Variants in DPYSL5 observed in about 807,000 individuals in gnomAD.
DPYSL5 encodes dihydropyrimidinase-related protein 5.
Under a neutral mutation model 58.4 loss-of-function variants are expected in DPYSL5, and 9 were observed. That is an observed-to-expected ratio of 0.15 (90% CI 0.09 to 0.27). The LOEUF (loss-of-function observed/expected upper bound fraction) is 0.27. DPYSL5 is among the 10% of genes least tolerant of loss of function. The probability of loss-of-function intolerance (pLI) is 1.00; values close to 1 mark genes in which losing one functional copy is unlikely to be tolerated. For synonymous variants in DPYSL5, 293 were observed against 301.9 expected, an observed-to-expected ratio of 0.97 and a Z score of 0.31; for missense variants, 499 against 770.6, an observed-to-expected ratio of 0.65 and a Z score of 4.17.
At chr2:26,882,111 A>AAAAAAAAAAAGAAAG (rs1308139468) in intron 1 of DPYSL5, among the ~76,000 whole-genome samples, 2 of 149,092 alleles carry the variant, frequency 1.3e-5, no homozygotes, top group Non-Finnish European at 3.0e-5. Context: ...AAAAAAAAAA[A>AAAAAAAAAAAGAAAG]AGAAAGAAAG....
At chr2:26,851,867 A>T (rs1053926622) in intron 1 of DPYSL5, among the ~76,000 whole-genome samples, 14 of 152,146 alleles carry the variant, frequency 9.2e-5, no homozygotes, top group African/African-American at 3.4e-4. Context: ...GAATCACTTG[A>T]ACCTGGGAGG....
chr2:26,941,712 G>A (rs894028138), intron 9 of DPYSL5, among the ~76,000 whole-genome samples: 1 of 152,250 alleles, frequency 6.6e-6, no homozygotes, highest in Admixed American at 6.5e-5. Flanking sequence ...CAGGAAGCCT[G>A]AATGGAACCA....
intron 8 of DPYSL5, among the ~76,000 whole-genome samples, chr2:26,936,500 G>A (rs374866073): frequency 2.6e-5 from 4 of 152,304 alleles, no homozygotes; most frequent in African/African-American, 7.2e-5. Context: ...AGGGCAGTAC[G>A]CACCACGGCA....
Position 26,925,121 on chromosome 2 carries a change from C to T in DPYSL5, c.420+76C>T. Reference sequence around the variant, plus strand: ...AGAGGGGCTGGTTGGGGTGCAGTGCCTCCTGCTTGTGTGGGGCACCCCTCC... The same window carrying T: ...AGAGGGGCTGGTTGGGGTGCAGTGCTTCCTGCTTGTGTGGGGCACCCCTCC... On this transcript the variant is annotated intron_variant, in intron 3 of 12. Transcript: ENST00000288699. The surrounding 1 kb of genome is among the most constrained non-coding windows in gnomAD (Gnocchi z 4.5). 6.5e-7 allele frequency: 1 copy of T among 1,546,974 alleles called. No homozygotes were observed. Among genetic ancestry groups the T allele is most frequent in the Admixed American group, 1.8e-5 (1 of 54,502 alleles).
Position 26,928,320 on chromosome 2 carries a change from G to A in DPYSL5, c.666G>A (p.Glu222=). 1 of 1,613,896 alleles carries A rather than the reference G, an allele frequency of 6.2e-7. No individual in the cohort carries two copies. The highest frequency in any genetic ancestry group is 8.5e-7 in the Non-Finnish European group (1 of 1,179,914). ...AAGGAATCGAGATCAGCCGTCCAGA[G>A]GAGGTGAGAAACACTTCCTGTAGCC... ...GPEGIEISRP[E]ELEAEATHRV... The change falls in exon 5 of 13, where the codon GAG becomes GAA. Residue 222 remains glutamate, a synonymous_variant. Coordinates refer to ENST00000288699, the MANE Select transcript of DPYSL5 (RefSeq NM_020134.4).
intron 1 of DPYSL5, among the ~76,000 whole-genome samples, chr2:26,880,867 C>T (rs1663543292): frequency 6.6e-6 from 1 of 152,266 alleles, no homozygotes; most frequent in African/African-American, 2.4e-5. Context: ...AATGAGTCCC[C>T]TCTATGTGCC....
chr2:26,934,462 C>A lies in DPYSL5; in HGVS notation c.791-116C>A. ...CTCTTAAAAGCCCTGTGAGCTTGGG[C>A]AGGTCCCTTCCTGTCTCTGACCTCA... On this transcript the variant is annotated intron_variant, in intron 7 of 12. Coordinates refer to ENST00000288699, the MANE Select transcript of DPYSL5 (RefSeq NM_020134.4). The surrounding 1 kb of genome is among the most constrained non-coding windows in gnomAD (Gnocchi z 4.3). 1 of 1,260,912 alleles carries A rather than the reference C, an allele frequency of 7.9e-7. No homozygotes were observed. Among genetic ancestry groups the A allele is most frequent in the South Asian group, 1.4e-5 (1 of 69,416 alleles). 78.1% of individuals were successfully genotyped at this position (1,260,912 alleles called of 1,614,324 possible). A position where few individuals can be genotyped will look rare whatever the true frequency, so the allele number is the denominator to read the frequency against.
chr2:26,850,784 C>G (rs918496554), intron 1 of DPYSL5, among the ~76,000 whole-genome samples: 1 of 152,134 alleles, frequency 6.6e-6, no homozygotes, highest in Non-Finnish European at 1.5e-5. Flanking sequence ...GGCCTCTTGT[C>G]TGAGTGTCCT....
At chr2:26,922,610 G>A (rs1664731381) in intron 2 of DPYSL5, among the ~76,000 whole-genome samples, 1 of 152,198 alleles carries the variant, frequency 6.6e-6, no homozygotes, top group South Asian at 2.1e-4. Context: ...GCCTGCAGAG[G>A]TACTGTGGGA....
intron 1 of DPYSL5, among the ~76,000 whole-genome samples, chr2:26,892,789 G>GAGAC (rs1479145767): frequency 1.3e-5 from 2 of 151,414 alleles, no homozygotes; most frequent in Non-Finnish European, 2.9e-5. Context: ...GAGAGAGAGA[G>GAGAC]AGAGAATGCA....
chr2:26,866,238 A>G (rs1245945377), intron 1 of DPYSL5, among the ~76,000 whole-genome samples: 1 of 152,232 alleles, frequency 6.6e-6, no homozygotes, highest in Non-Finnish European at 1.5e-5. Flanking sequence ...TGCTGTGAGG[A>G]TAAGAAATGA....
At chr2:26,863,935 G>C (rs1666079969) in intron 1 of DPYSL5, among the ~76,000 whole-genome samples, 1 of 152,126 alleles carries the variant, frequency 6.6e-6, no homozygotes, top group South Asian at 2.1e-4. Context: ...ATAGATACAA[G>C]GAATTTCAGA....
chr2:26,872,685 C>CA lies in DPYSL5; in HGVS notation c.-5+24444dup, dbSNP rs57455387. Among the ~76,000 whole-genome samples the CA allele has an allele frequency of 1.9e-3, 275 of 142,784 alleles. 2 individuals carry two copies. Among genetic ancestry groups the CA allele is most frequent in the Admixed American group, 0.011 (162 of 14,468 alleles). 93.7% of individuals were successfully genotyped at this position (142,784 alleles called of 152,430 possible). Reference sequence around the variant, plus strand: ...AGCCTGGCAGAGCGTGACTCTGTCTCAAAAAAAAAAAAATTAATAATATTT... The same window carrying CA: ...AGCCTGGCAGAGCGTGACTCTGTCTCAAAAAAAAAAAAAATTAATAATATTT... On this transcript the variant is annotated intron_variant, in intron 1 of 12. Transcript: ENST00000288699.
chr2:26,881,327 G>A (rs544824121), intron 1 of DPYSL5, among the ~76,000 whole-genome samples: 16 of 152,268 alleles, frequency 1.1e-4, no homozygotes, highest in African/African-American at 2.6e-4. Flanking sequence ...ACCCCCAGAC[G>A]TTTCTGTAAG....
intron 1 of DPYSL5, among the ~76,000 whole-genome samples, chr2:26,870,876 A>G (rs181389719): frequency 1.3e-4 from 20 of 152,354 alleles, no homozygotes; most frequent in African/African-American, 4.3e-4. Context: ...TGTAGTAGTT[A>G]ATAGTTAATA....
intron 9 of DPYSL5, 21 bp downstream of exon 9, chr2:26,940,193 C>T: frequency 6.2e-7 from 1 of 1,612,394 alleles, no homozygotes; most frequent in Non-Finnish European, 8.5e-7. Context: ...TAGAGCCCCG[C>T]CCCGATCTGA....
Position 26,934,563 on chromosome 2 carries a change from C to A in DPYSL5, c.791-15C>A. 1 of 1,610,800 alleles carries A rather than the reference C, an allele frequency of 6.2e-7. No homozygotes were observed. Among genetic ancestry groups the A allele is most frequent in the Non-Finnish European group, 8.5e-7 (1 of 1,179,180 alleles). ...GGTGGCTTCCTGGTTATGGTTCTGA[C>A]CTTTCTTCTTCCAGGGAAGGTTGTG... is the stretch of plus-strand genomic sequence containing the variant. On this transcript the variant is annotated splice_polypyrimidine_tract_variant and intron_variant, in intron 7 of 12. Coordinates refer to ENST00000288699, the MANE Select transcript of DPYSL5 (RefSeq NM_020134.4). This position sits in a 1 kb window ranked among gnomAD's most constrained non-coding sequence, Gnocchi z 4.3.
chr2:26,921,444 A>G (rs1664700042), intron 2 of DPYSL5, among the ~76,000 whole-genome samples: 1 of 152,234 alleles, frequency 6.6e-6, no homozygotes, highest in South Asian at 2.1e-4. Flanking sequence ...ATGTTCTTAA[A>G]CATCATCCTT....
rs1263097418 is a variant in DPYSL5, at chr2:26,925,110, G to GCAA, written c.420+65_420+66insCAA. On this transcript the variant is annotated intron_variant, in intron 3 of 12. Coordinates refer to ENST00000288699, the MANE Select transcript of DPYSL5 (RefSeq NM_020134.4). This position sits in a 1 kb window ranked among gnomAD's most constrained non-coding sequence, Gnocchi z 4.5. ...GTCTTGTAGGCAGAGGGGCTGGTTG[G>GCAA]GGTGCAGTGCCTCCTGCTTGTGTGG... 9 of 1,573,994 alleles carry GCAA rather than the reference G, an allele frequency of 5.7e-6. No individual in the cohort carries two copies. Among genetic ancestry groups the GCAA allele is most frequent in the Non-Finnish European group, 6.9e-6 (8 of 1,157,466 alleles).
Sources: allele counts gnomAD v4.1 joint callset (sites outside exome capture counted in the v4.1 genomes callset), GRCh38; gene constraint gnomAD v4.1.1; non-coding constraint Gnocchi (gnomAD v3.1); transcripts MANE v1.5; gene names NCBI Gene and HGNC (gene_info 2026-07-23, HGNC 2026-07-21).